VIPR1: variants seen among roughly 807,000 people sequenced by gnomAD.
The protein encoded by VIPR1 is vasoactive intestinal polypeptide receptor 1.
VIPR1 carries 59 observed loss-of-function variants against 58.8 expected under a neutral mutation model. The ratio of observed to expected loss-of-function variants is 1.00; its 90% confidence interval spans 0.81 to 1.25. VIPR1 has a LOEUF of 1.25. Among genes scored for constraint, VIPR1 ranks in the 50% most tolerant of loss-of-function variants. The pLI, the probability that VIPR1 is intolerant of heterozygous loss-of-function variation, is 0.00. For synonymous variants in VIPR1, 251 were observed against 242.1 expected (o/e 1.04, Z -0.34); for missense variants, 626 against 602.7 (o/e 1.04, Z -0.40).
intron 3 of VIPR1, among the ~76,000 whole-genome samples, chr3:42,525,336 C>A (rs1462350030): frequency 6.6e-6 from 1 of 152,084 alleles, no homozygotes; most frequent in Admixed American, 6.5e-5. Context: ...CTGATTCCCC[C>A]TCACATGCCT....
At chr3:42,512,728 G>A in intron 1 of VIPR1, 1 of 985,258 alleles carries the variant, frequency 1.0e-6, no homozygotes, top group Non-Finnish European at 1.2e-6. Context: ...TGGCCCTGGT[G>A]GAAACTGACA....
In VIPR1 at chr3:42,514,709, G is replaced by A. The variant is rs529483709; in HGVS notation, c.184+855G>A. On this transcript the variant is annotated intron_variant, in intron 2 of 12. Coordinates refer to ENST00000325123, the MANE Select transcript of VIPR1 (RefSeq NM_004624.4). Reference sequence around the variant, plus strand: ...GAGACAAGTCAAGGTCAGCCCCAGGGGCTGAGCACATGAGGGCCCCAGCCA... The same window carrying A: ...GAGACAAGTCAAGGTCAGCCCCAGGAGCTGAGCACATGAGGGCCCCAGCCA... Among the ~76,000 whole-genome samples the A allele has an allele frequency of 2.6e-5, 4 of 152,098 alleles. No homozygotes were observed. In the East Asian group the frequency reaches 7.7e-4, roughly 29 times the overall value.
intron 4 of VIPR1, among the ~76,000 whole-genome samples, chr3:42,526,317 C>G (rs2125667679): frequency 6.6e-6 from 1 of 152,340 alleles, no homozygotes; most frequent in East Asian, 1.9e-4. Flanking sequence ...ACACCAGCAC[C>G]CCATCCCATC....
chr3:42,530,094 T>TC (rs1261294974), intron 6 of VIPR1: 4 of 152,748 alleles, frequency 2.6e-5, no homozygotes, highest in African/African-American at 9.7e-5. Context: ...GCAAGAATTC[T>TC]CCCTCATACC....
chr3:42,530,654 T>A (rs1701490963), intron 6 of VIPR1, 125 bp from the exon 7 acceptor site: 1 of 1,182,794 alleles, frequency 8.5e-7, no homozygotes, highest in East Asian at 2.4e-5. Context: ...AAGGGGATAA[T>A]GCAAAACAAC....
chr3:42,497,886 G>C (rs1699796473), upstream of VIPR1, among the ~76,000 whole-genome samples: 1 of 152,148 alleles, frequency 6.6e-6, no homozygotes, highest in South Asian at 2.1e-4. Flanking sequence ...CCCAGTCTCA[G>C]GTATCTCTTT....
Position 42,536,623 on chromosome 3 carries a change from C to T in VIPR1, c.*342C>T, listed in dbSNP as rs865798307. On this transcript the variant is annotated 3_prime_UTR_variant, in exon 13 of 13. Transcript: ENST00000325123. The stretch of plus-strand genomic sequence containing the variant: ...TCTGCCCCCTGCTGGCTCTTCTGCC[C>T]AATTGGAGGAAAGCAACCGGTGGAT... 3.1e-4 allele frequency: 69 copies of T among 223,264 alleles called. No homozygotes were observed. The highest frequency in any genetic ancestry group is 9.3e-4 in the Admixed American group (16 of 17,162). 13.8% of individuals were successfully genotyped at this position (223,264 alleles called of 1,614,324 possible).
At chr3:42,527,062 C>T (rs1343684463) in intron 4 of VIPR1, among the ~76,000 whole-genome samples, 5 of 152,112 alleles carry the variant, frequency 3.3e-5, no homozygotes, top group African/African-American at 1.2e-4. Flanking sequence ...AGAAGGGAAG[C>T]CGGGCACATG....
chr3:42,522,102 T>TATATATATATA (rs1553638336), intron 3 of VIPR1, among the ~76,000 whole-genome samples: 93 of 13,430 alleles, frequency 6.9e-3, no homozygotes, highest in South Asian at 8.6e-3. Flanking sequence ...TATATATATA[T>TATATATATATA]TTTTTTTTTT....
intron 1 of VIPR1, among the ~76,000 whole-genome samples, chr3:42,508,442 C>T (rs115674292): frequency 3.7e-4 from 57 of 152,256 alleles, no homozygotes; most frequent in African/African-American, 1.2e-3. Context: ...GGGTGGGCGA[C>T]GGCGTGTCAC....
At chr3:42,531,688 G>C in intron 8 of VIPR1, 115 bp from the exon 9 acceptor site, 2 of 1,548,178 alleles carry the variant, frequency 1.3e-6, no homozygotes, top group South Asian at 2.2e-5. Context: ...ACAGACTCTG[G>C]GCCCGGGGTT....
chr3:42,515,096 G>T (rs548670542), intron 2 of VIPR1, among the ~76,000 whole-genome samples: 3 of 152,300 alleles, frequency 2.0e-5, no homozygotes, highest in African/African-American at 7.2e-5. Flanking sequence ...ATCTCCCCGC[G>T]GCTGAGCTTA....
chr3:42,491,907 C>G (rs1317655035), intron 1 of VIPR1, among the ~76,000 whole-genome samples: 2 of 152,162 alleles, frequency 1.3e-5, no homozygotes, highest in Admixed American at 6.5e-5. Context: ...TAATACTACT[C>G]AATCCGGATA....
At position 42,530,090 on chromosome 3, in the gene VIPR1, A is replaced by C. The variant is rs62248841; in HGVS notation, c.637-689A>C. On this transcript the variant is annotated intron_variant, in intron 6 of 12. Transcript: ENST00000325123. The stretch of plus-strand genomic sequence containing the variant: ...GCAGACTCTTGAAACTCAAGCAAGA[A>C]TTCTCCCTCATACCTTCCAGCTACC... The C allele has an allele frequency of 6.2e-3, 950 of 152,974 alleles. 5 individuals carry two copies. The highest frequency in any genetic ancestry group is 0.01 in the Non-Finnish European group (697 of 68,506). 9.5% of individuals were successfully genotyped at this position (152,974 alleles called of 1,614,324 possible).
chr3:42,499,034 C>T (rs762105038), upstream of VIPR1, among the ~76,000 whole-genome samples: 9 of 152,310 alleles, frequency 5.9e-5, no homozygotes, highest in South Asian at 1.0e-3. Flanking sequence ...CTACCAGCCC[C>T]GCTCTATGGA....
chr3:42,511,066 C>G (rs537689119), intron 1 of VIPR1, among the ~76,000 whole-genome samples: 1 of 152,288 alleles, frequency 6.6e-6, no homozygotes, highest in Admixed American at 6.5e-5. Context: ...TTACAGCGAC[C>G]AACAGAAAAC....
At chr3:42,533,019 G>A (rs1701652733) in intron 10 of VIPR1, 1 of 152,534 alleles carries the variant, frequency 6.6e-6, no homozygotes, top group Non-Finnish European at 1.5e-5. Context: ...GAGGACTGGA[G>A]GAAGAGGCAG....
At chr3:42,513,960 G>A in intron 2 of VIPR1, 106 bp downstream of exon 2, 2 of 1,273,084 alleles carry the variant, frequency 1.6e-6, no homozygotes, top group East Asian at 2.6e-5. Context: ...TTTATTGGAT[G>A]ATGGTGAGGA....
intron 10 of VIPR1, chr3:42,532,659 T>C: frequency 2.4e-6 from 1 of 422,542 alleles, no homozygotes; most frequent in Non-Finnish European, 4.4e-6. Flanking sequence ...GCCCAGTCCC[T>C]GGCATGTGCC....
Sources: gnomAD v4.1 joint callset for allele counts (sites outside exome capture counted in the v4.1 genomes callset) on GRCh38, gnomAD v4.1.1 for gene constraint, MANE v1.5 for transcripts, NCBI Gene and HGNC (gene_info 2026-07-23, HGNC 2026-07-21) for gene names.